The following TRIP13 variants were observed in gnomAD, a reference collection of about 807,000 sequenced individuals.
TRIP13 encodes the protein thyroid hormone receptor interactor 13.
Under a neutral mutation model 54.4 loss-of-function variants are expected in TRIP13, and 25 were observed. That is an observed-to-expected ratio of 0.46 (90% CI 0.33 to 0.64). The LOEUF is 0.64. TRIP13 is among the 30% of genes least tolerant of loss of function. The pLI is 0.02. For missense variants in TRIP13, 373 were observed against 534.2 expected (o/e 0.70, Z 2.97); for synonymous variants, 207 against 207.8 (o/e 1.00, Z 0.03).
intron 2 of TRIP13, among the ~76,000 whole-genome samples, 162 bp downstream of exon 2, chr5:895,114 T>C (rs564387634): frequency 6.6e-6 from 1 of 152,300 alleles, no homozygotes; most frequent in East Asian, 1.9e-4. Context: ...AGGAGCCAGG[T>C]GCTGGGAGTA....
intron 1 of TRIP13, 77 bp from the exon 2 acceptor site, chr5:894,710 G>A: frequency 6.7e-7 from 1 of 1,495,098 alleles, no homozygotes; most frequent in Non-Finnish European, 8.9e-7. Flanking sequence ...TATTGTCTGA[G>A]TTTTTCAAAA....
intron 12 of TRIP13, among the ~76,000 whole-genome samples, chr5:916,321 G>C (rs1754340186): frequency 6.6e-6 from 1 of 152,208 alleles, no homozygotes; most frequent in African/African-American, 2.4e-5. Flanking sequence ...CAGTGACCTG[G>C]ATCCACAGCC....
Position 908,200 on chromosome 5 carries a change from C to CT in TRIP13, c.759+127dup, listed in dbSNP as rs1403516266. The CT allele has an allele frequency of 3.6e-6, 5 of 1,375,454 alleles. No homozygotes were observed. The highest frequency in any genetic ancestry group is 5.1e-6 in the Non-Finnish European group (5 of 975,172). 85.2% of individuals were successfully genotyped at this position (1,375,454 alleles called of 1,614,324 possible). ...GGGCTGCCCTCTATCCCTCCCTGCACTGTGCGCCTTTCCACCTTGCCGCAG... is the reference window on the plus strand; with the variant it reads ...GGGCTGCCCTCTATCCCTCCCTGCACTTGTGCGCCTTTCCACCTTGCCGCAG... On this transcript the variant is annotated intron_variant, in intron 8 of 12. Transcript: ENST00000166345. The surrounding 1 kb of genome is among the most constrained non-coding windows in gnomAD (Gnocchi z 5.2).
chr5:910,806 C>A (rs999539096), intron 9 of TRIP13, among the ~76,000 whole-genome samples: 3 of 152,244 alleles, frequency 2.0e-5, no homozygotes, highest in Admixed American at 6.5e-5. Context: ...GCAGCCCCAC[C>A]CTCCTGGTGC....
At chr5:894,012 A>G (rs1753805048) in intron 1 of TRIP13, among the ~76,000 whole-genome samples, 1 of 152,140 alleles carries the variant, frequency 6.6e-6, no homozygotes, top group Non-Finnish European at 1.5e-5. Flanking sequence ...AGCTGCACCT[A>G]GAGGACAGAC....
Position 911,142 on chromosome 5 carries a change from G to A in TRIP13, c.867-701G>A, listed in dbSNP as rs1754222823. On this transcript the variant is annotated intron_variant, in intron 9 of 12. Transcript: ENST00000166345. The surrounding 1 kb of genome is among the most constrained non-coding windows in gnomAD (Gnocchi z 4.7). Reference sequence around the variant, plus strand: ...CTCTCTATGGAGTTTAGACGCTAGAGGGGAGAGCAGATCATGAACATGGGA... The same window carrying A: ...CTCTCTATGGAGTTTAGACGCTAGAAGGGAGAGCAGATCATGAACATGGGA... Among the ~76,000 whole-genome samples, 1 of 152,228 alleles carries A rather than the reference G, an allele frequency of 6.6e-6. No individual in the cohort carries two copies. Among genetic ancestry groups the A allele is most frequent in the African/African-American group, 2.4e-5 (1 of 41,458 alleles).
rs141695314 is a variant in TRIP13, at chr5:895,918, A to G, written c.259-747A>G. On this transcript the variant is annotated intron_variant, in intron 2 of 12. Coordinates refer to ENST00000166345, the MANE Select transcript of TRIP13 (RefSeq NM_004237.4). The stretch of plus-strand genomic sequence containing the variant: ...CAGTTAATAAATGTAGGAATTCCAT[A>G]TATCTACACTATGTACAATATAGCC... Among the ~76,000 whole-genome samples, 323 of 152,358 alleles carry G rather than the reference A, an allele frequency of 2.1e-3. 2 individuals are homozygous for G. Among genetic ancestry groups the G allele is most frequent in the African/African-American group, 7.5e-3 (310 of 41,580 alleles).
At chr5:906,905 C>T (rs770007084) in intron 6 of TRIP13, among the ~76,000 whole-genome samples, 5 of 152,102 alleles carry the variant, frequency 3.3e-5, no homozygotes, top group Non-Finnish European at 5.9e-5. Flanking sequence ...GGAGTTTTTA[C>T]TCTTTAACTC....
Position 904,954 on chromosome 5 carries a change from A to G in TRIP13, c.608+734A>G, listed in dbSNP as rs138275652. On this transcript the variant is annotated intron_variant, in intron 6 of 12. Coordinates refer to ENST00000166345, the MANE Select transcript of TRIP13 (RefSeq NM_004237.4). The stretch of plus-strand genomic sequence containing the variant: ...GATTGTCATTTCTGATTGTGTTTCT[A>G]TTGACTGGTTTTTCTTCTGGTTAGG... Among the ~76,000 whole-genome samples the G allele has an allele frequency of 4.6e-5, 7 of 151,840 alleles. No individual in the cohort carries two copies. In the East Asian group the frequency reaches 5.8e-4, roughly 13 times the overall value.
In TRIP13 at chr5:911,696, G is replaced by A. The variant is rs77084821; in HGVS notation, c.867-147G>A. The A allele has an allele frequency of 0.025, 23,240 of 942,110 alleles. 1,691 individuals carry two copies. Among genetic ancestry groups the A allele is most frequent in the East Asian group, 0.21 (7,522 of 36,510 alleles). The allele number at this position is 942,110 out of a possible 1,614,324, so 58.4% of individuals were successfully genotyped here. A position where few individuals can be genotyped will look rare whatever the true frequency, so the allele number is the denominator to read the frequency against. The stretch of plus-strand genomic sequence containing the variant: ...CGAGAGCAAAGGCTGGGGGGTCTGC[G>A]TGGCCTGTGTTGGCACAAGGCCACT... On this transcript the variant is annotated intron_variant, in intron 9 of 12. Transcript: ENST00000166345. The surrounding 1 kb of genome is among the most constrained non-coding windows in gnomAD (Gnocchi z 4.7).
At chr5:910,717 T>G (rs907825220) in intron 9 of TRIP13, among the ~76,000 whole-genome samples, 11 of 152,152 alleles carry the variant, frequency 7.2e-5, no homozygotes, top group African/African-American at 2.7e-4. Flanking sequence ...CCCCCACCAG[T>G]CCTGTCCACT....
chr5:907,089 G>T lies in TRIP13; in HGVS notation c.609-41G>T. ...AATGGCTGCCGCTGAGGATCCACAG[G>T]ACCAGTTAGTAATTCTCTCAACTCC... On this transcript the variant is annotated intron_variant, in intron 6 of 12. Coordinates refer to ENST00000166345, the MANE Select transcript of TRIP13 (RefSeq NM_004237.4). This position sits in a 1 kb window ranked among gnomAD's most constrained non-coding sequence, Gnocchi z 4.1. 1 of 1,576,558 alleles carries T rather than the reference G, an allele frequency of 6.3e-7. No individual in the cohort carries two copies.
At chr5:906,405 A>C (rs923066250) in intron 6 of TRIP13, among the ~76,000 whole-genome samples, 2 of 152,192 alleles carry the variant, frequency 1.3e-5, no homozygotes, top group African/African-American at 4.8e-5. Context: ...TATTCAACCC[A>C]GTCTATATTT....
At position 908,517 on chromosome 5, in the gene TRIP13, G is replaced by A; in HGVS notation, c.866+56G>A. 1 of 1,604,620 alleles carries A rather than the reference G, an allele frequency of 6.2e-7. No homozygotes were observed. Among genetic ancestry groups the A allele is most frequent in the Non-Finnish European group, 8.5e-7 (1 of 1,176,762 alleles). ...GAAGTGATGAGAAGTTTGTCCCAAA[G>A]AAATGCGTGATACTTGTGCAACCCT... On this transcript the variant is annotated intron_variant, in intron 9 of 12. Transcript: ENST00000166345. The surrounding 1 kb of genome is among the most constrained non-coding windows in gnomAD (Gnocchi z 5.2).
rs1301015708 is a variant in TRIP13, at chr5:907,816, G to A, written c.673-172G>A. 2.0e-5 allele frequency among the ~76,000 whole-genome samples: 3 copies of A among 152,228 alleles called. No individual in the cohort carries two copies. The highest frequency in any genetic ancestry group is 2.0e-4 in the Admixed American group (3 of 15,288). ...AAGCAGAGGGGAAGAGTGTTAGGCT[G>A]ACCTCCTCCCATGCTGCCCTAGCTT... On this transcript the variant is annotated intron_variant, in intron 7 of 12. Transcript: ENST00000166345. This position sits in a 1 kb window ranked among gnomAD's most constrained non-coding sequence, Gnocchi z 4.1.
Position 912,282 on chromosome 5 carries a change from T to G in TRIP13, c.1020+286T>G, listed in dbSNP as rs76536756. Among the ~76,000 whole-genome samples the G allele has an allele frequency of 1.7e-4, 26 of 152,146 alleles. No homozygotes were observed. The East Asian group carries it at 5.0e-3, about 29-fold the overall frequency. On this transcript the variant is annotated intron_variant, in intron 10 of 12. Coordinates refer to ENST00000166345, the MANE Select transcript of TRIP13 (RefSeq NM_004237.4). The surrounding 1 kb of genome is among the most constrained non-coding windows in gnomAD (Gnocchi z 7.2). Reference sequence around the variant, plus strand: ...ACGTCAGTGACCGGCTGTGTTTACCTGGCTGGCTGCACAAACCTTAGTTCT... The same window carrying G: ...ACGTCAGTGACCGGCTGTGTTTACCGGGCTGGCTGCACAAACCTTAGTTCT...
Position 917,341 on chromosome 5 carries a change from T to G in TRIP13, c.*238T>G, listed in dbSNP as rs1348331765. 7.0e-6 allele frequency: 3 copies of G among 430,892 alleles called. No individual in the cohort carries two copies. In the East Asian group the frequency reaches 1.2e-4, roughly 18 times the overall value. 26.7% of individuals were successfully genotyped at this position (430,892 alleles called of 1,614,324 possible). On this transcript the variant is annotated 3_prime_UTR_variant, in exon 13 of 13. Transcript: ENST00000166345. ...ATTTTCACTGTTTGTAAAAGATAAT[T>G]CAGATTGTTTGTCTCCTTGTGAAGA... is the stretch of plus-strand genomic sequence containing the variant.
rs1475632424 is a variant in TRIP13, at chr5:911,677, C to G, written c.867-166C>G. ...CCAGAAGGCCAAGGAGCAGCGAGAG[C>G]AAAGGCTGGGGGGTCTGCGTGGCCT... is the stretch of plus-strand genomic sequence containing the variant. On this transcript the variant is annotated intron_variant, in intron 9 of 12. Coordinates refer to ENST00000166345, the MANE Select transcript of TRIP13 (RefSeq NM_004237.4). The surrounding 1 kb of genome is among the most constrained non-coding windows in gnomAD (Gnocchi z 4.7). Among the ~76,000 whole-genome samples the G allele has an allele frequency of 6.6e-6, 1 of 152,116 alleles. No homozygotes were observed. Among genetic ancestry groups the G allele is most frequent in the Non-Finnish European group, 1.5e-5 (1 of 68,020 alleles).
chr5:916,967 C>G lies in TRIP13; in HGVS notation c.1204-41C>G, dbSNP rs191110747. ...GTGGATGCCAGATGGCCCCACCAAACGTGAGTTGAGCCCCTCCAGCAATGA... is the reference window on the plus strand; with the variant it reads ...GTGGATGCCAGATGGCCCCACCAAAGGTGAGTTGAGCCCCTCCAGCAATGA... On this transcript the variant is annotated intron_variant, in intron 12 of 12. Transcript: ENST00000166345. 110 of 1,593,164 alleles carry G rather than the reference C, an allele frequency of 6.9e-5. No individual in the cohort carries two copies. The African/African-American group carries it at 1.4e-3, about 20-fold the overall frequency.
Sources: allele counts gnomAD v4.1 joint callset (sites outside exome capture counted in the v4.1 genomes callset), GRCh38; gene constraint gnomAD v4.1.1; non-coding constraint Gnocchi (gnomAD v3.1); transcripts MANE v1.5; gene names NCBI Gene and HGNC (gene_info 2026-07-23, HGNC 2026-07-21).